ADARB1: variants seen among roughly 807,000 people sequenced by gnomAD.
ADARB1 encodes the protein adenosine deaminase RNA specific B1, also known as double-stranded RNA-specific editase 1.
Under a neutral mutation model 52.4 loss-of-function variants are expected in ADARB1, and 10 were observed. That is an observed-to-expected ratio of 0.19 (90% CI 0.12 to 0.32). ADARB1 has a LOEUF of 0.32. Ranked by LOEUF, ADARB1 falls within the 10% of genes least tolerant of loss-of-function variation. ADARB1 has a pLI of 1.00. For missense variants in ADARB1, 643 were observed against 922.3 expected (o/e 0.70, Z 3.92); for synonymous variants, 349 against 371.1 (o/e 0.94, Z 0.68).
At chr21:45,122,932 C>T (rs1343294437) in intron 1 of ADARB1, among the ~76,000 whole-genome samples, 1 of 152,124 alleles carries the variant, frequency 6.6e-6, no homozygotes, top group East Asian at 1.9e-4. Context: ...TTATCTGAGA[C>T]CGTGGCAGGC....
intron 1 of ADARB1, among the ~76,000 whole-genome samples, chr21:45,109,100 G>T (rs1475754780): frequency 6.6e-6 from 1 of 152,204 alleles, no homozygotes; most frequent in East Asian, 1.9e-4. Context: ...GTTCATGCGG[G>T]AATCACCAGT....
intron 2 of ADARB1, among the ~76,000 whole-genome samples, chr21:45,149,217 T>TG (rs1395816068): frequency 6.6e-6 from 1 of 152,220 alleles, no homozygotes; most frequent in East Asian, 1.9e-4. Flanking sequence ...GCTCCACACT[T>TG]GCCTTACTCT....
intron 1 of ADARB1, among the ~76,000 whole-genome samples, chr21:45,127,974 A>G (rs2088695894): frequency 6.6e-6 from 1 of 152,184 alleles, no homozygotes; most frequent in South Asian, 2.1e-4. Flanking sequence ...GTAGCTTCCA[A>G]ACCCGGGCAG....
At position 45,224,673 on chromosome 21, in the gene ADARB1, TG is replaced by T; in HGVS notation, c.*2479del. On this transcript the variant is annotated 3_prime_UTR_variant, in exon 11 of 11. Transcript: ENST00000348831. ...AGGGGGAACTGGGTTCCGGGAGCCCTGGGCCGGGGCAGGGGGCGGCTGTAGG... is the reference window on the plus strand; with the variant it reads ...AGGGGGAACTGGGTTCCGGGAGCCCTGGCCGGGGCAGGGGGCGGCTGTAGG... 1 of 811,052 alleles carries T rather than the reference TG, an allele frequency of 1.2e-6. No homozygotes were observed. Among genetic ancestry groups the T allele is most frequent in the African/African-American group, 5.4e-5 (1 of 18,570 alleles). The allele number at this position is 811,052 out of a possible 1,614,324, so 50.2% of individuals were successfully genotyped here.
intron 2 of ADARB1, among the ~76,000 whole-genome samples, chr21:45,171,069 A>C (rs61631321): frequency 0.03 from 4,516 of 152,316 alleles, 223 homozygotes; most frequent in African/African-American, 0.1. Context: ...TTTAGTTTAC[A>C]GCTGGAAGCC....
rs1303238800 is a variant in ADARB1 at position 45,208,359 on chromosome 21, C to T, written c.1747+3623C>T. 2.0e-5 allele frequency among the ~76,000 whole-genome samples: 3 copies of T among 152,202 alleles called. No individual in the cohort carries two copies. The highest frequency in any genetic ancestry group is 4.4e-5 in the Non-Finnish European group (3 of 68,038). On this transcript the variant is annotated intron_variant, in intron 9 of 10. Coordinates refer to ENST00000348831, the MANE Select transcript of ADARB1 (RefSeq NM_001112.4). The surrounding 1 kb of genome is among the most constrained non-coding windows in gnomAD (Gnocchi z 5.6). The stretch of plus-strand genomic sequence containing the variant: ...AATGTTGGCACGAAACGTTAACAAA[C>T]AAGGCTACATGATGGGGTAGGGTCC...
intron 1 of ADARB1, among the ~76,000 whole-genome samples, chr21:45,103,964 T>A (rs2087136214): frequency 6.6e-6 from 1 of 152,228 alleles, no homozygotes; most frequent in Non-Finnish European, 1.5e-5. Context: ...ACACAGTATA[T>A]CCTTTGGTTT....
At chr21:45,150,028 A>C (rs116993060) in intron 2 of ADARB1, among the ~76,000 whole-genome samples, 9,922 of 152,356 alleles carry the variant, frequency 0.065, 391 homozygotes, top group East Asian at 0.15. Flanking sequence ...TCACGCCTGT[A>C]GTCCCAGCAT....
chr21:45,079,553 G>C (rs1158681738), intron 1 of ADARB1, among the ~76,000 whole-genome samples: 1 of 152,168 alleles, frequency 6.6e-6, no homozygotes, highest in Non-Finnish European at 1.5e-5. Flanking sequence ...GCCAGATCTG[G>C]AGGACGAGGG....
chr21:45,158,186 C>G (rs944059828), intron 2 of ADARB1, among the ~76,000 whole-genome samples: 1 of 152,216 alleles, frequency 6.6e-6, no homozygotes, highest in Non-Finnish European at 1.5e-5. Flanking sequence ...GCTTCCTGCA[C>G]CCTGCACAGC....
chr21:45,108,550 C>T (rs941570615), intron 1 of ADARB1, among the ~76,000 whole-genome samples: 4 of 152,174 alleles, frequency 2.6e-5, no homozygotes, highest in Non-Finnish European at 5.9e-5. Context: ...TTCTTATGCA[C>T]CTGCATGCAC....
At chr21:45,081,585 TG>T (rs1332921967) in intron 1 of ADARB1, among the ~76,000 whole-genome samples, 1 of 152,154 alleles carries the variant, frequency 6.6e-6, no homozygotes, top group African/African-American at 2.4e-5. Context: ...CAACTTGCGA[TG>T]GGTTCATAGG....
chr21:45,143,054 G>A (rs201825246), intron 2 of ADARB1, among the ~76,000 whole-genome samples: 2 of 152,210 alleles, frequency 1.3e-5, no homozygotes, highest in East Asian at 3.8e-4. Context: ...ACTGAGATTT[G>A]ATGATGTTTA....
chr21:45,087,757 G>A (rs941022884), intron 1 of ADARB1, among the ~76,000 whole-genome samples: 4 of 152,172 alleles, frequency 2.6e-5, no homozygotes, highest in African/African-American at 4.8e-5. Flanking sequence ...AAATATAAGC[G>A]GAAAACACAC....
chr21:45,149,342 G>A (rs1432897321), intron 2 of ADARB1, among the ~76,000 whole-genome samples: 2 of 152,224 alleles, frequency 1.3e-5, no homozygotes, highest in Non-Finnish European at 2.9e-5. Flanking sequence ...GCCTCCTTGT[G>A]CACAGCATCT....
intron 5 of ADARB1, chr21:45,181,437 C>G (rs1276480342): frequency 6.6e-6 from 1 of 152,324 alleles, no homozygotes; most frequent in African/African-American, 2.4e-5. Flanking sequence ...TCTTCTCCCC[C>G]TTTTACCTCT....
At chr21:45,123,084 G>A (rs969721568) in intron 1 of ADARB1, among the ~76,000 whole-genome samples, 5 of 151,856 alleles carry the variant, frequency 3.3e-5, no homozygotes, top group Admixed American at 6.6e-5. Flanking sequence ...CTGATTATTT[G>A]TTTTCTAATA....
rs2093013170 is a variant in ADARB1, at chr21:45,224,033, C to T, written c.*1836C>T. On this transcript the variant is annotated 3_prime_UTR_variant, in exon 11 of 11. Coordinates refer to ENST00000348831, the MANE Select transcript of ADARB1 (RefSeq NM_001112.4). ...TCAGGCAGATCGCGCTGGGGTTCTG[C>T]ACCTGCAGAAGGAGAGGGGTCTGTT... is the stretch of plus-strand genomic sequence containing the variant. 2.0e-6 allele frequency: 2 copies of T among 985,506 alleles called. No homozygotes were observed. Among genetic ancestry groups the T allele is most frequent in the Non-Finnish European group, 1.2e-6 (1 of 829,994 alleles). The allele number at this position is 985,506 out of a possible 1,614,324, so 61.0% of individuals were successfully genotyped here.
intron 1 of ADARB1, among the ~76,000 whole-genome samples, chr21:45,123,580 C>T (rs529751109): frequency 7.7e-4 from 116 of 150,850 alleles, no homozygotes; most frequent in African/African-American, 2.8e-3. Flanking sequence ...GCTGGGCTTA[C>T]AGGTGTGAGC....
Sources: allele counts gnomAD v4.1 joint callset (sites outside exome capture counted in the v4.1 genomes callset), GRCh38; gene constraint gnomAD v4.1.1; non-coding constraint Gnocchi (gnomAD v3.1); transcripts MANE v1.5; gene names NCBI Gene and HGNC (gene_info 2026-07-23, HGNC 2026-07-21).